Variants in TRPM3 observed in about 807,000 individuals in gnomAD.
The protein encoded by TRPM3 is long transient receptor potential channel 3.
A neutral mutation model predicts 181.2 loss-of-function variants in TRPM3; 77 were observed. The ratio of observed to expected loss-of-function variants is 0.42; its 90% CI spans 0.35 to 0.51. TRPM3 has a LOEUF of 0.51. Among genes scored for constraint, TRPM3 ranks in the 20% least tolerant of loss-of-function variants. The pLI is 0.01. For missense variants in TRPM3, 1,759 were observed against 2,196.7 expected (o/e 0.80, Z 3.98); for synonymous variants, 745 against 796.4 (o/e 0.94, Z 1.09).
At position 71,121,538 on chromosome 9, in the gene TRPM3, G is replaced by C; in HGVS notation, c.-184C>G. 1.4e-6 allele frequency: 2 copies of C among 1,391,224 alleles called. No individual in the cohort carries two copies. Among genetic ancestry groups the C allele is most frequent in the South Asian group, 1.8e-5 (1 of 55,688 alleles). The allele number at this position is 1,391,224 out of a possible 1,614,324, so 86.2% of individuals were successfully genotyped here. ...TGGAGGCACACTGCCTGCTGCTTCG[G>C]GGAGGGGATGCACGATTTTGAAGAA... is the stretch of plus-strand genomic sequence containing the variant. On this transcript the variant is annotated 5_prime_UTR_variant, in exon 1 of 26. Transcript: ENST00000677713.
chr9:70,899,430 C>T (rs2132988619), intron 1 of TRPM3, among the ~76,000 whole-genome samples: 1 of 152,048 alleles, frequency 6.6e-6, no homozygotes, highest in South Asian at 2.1e-4. Flanking sequence ...CTTTTCCTTA[C>T]TCATCTCTCA....
intron 1 of TRPM3, among the ~76,000 whole-genome samples, chr9:71,049,475 G>T (rs1323298367): frequency 1.3e-5 from 2 of 152,068 alleles, no homozygotes; most frequent in Non-Finnish European, 2.9e-5. Context: ...ATCCATATCT[G>T]AAGTGAGTTT....
intron 1 of TRPM3, among the ~76,000 whole-genome samples, chr9:71,239,413 C>T (rs1339974280): frequency 6.6e-6 from 1 of 152,134 alleles, no homozygotes; most frequent in Admixed American, 6.5e-5. Context: ...GCTTCCTTCT[C>T]TACACATCAT....
intron 1 of TRPM3, among the ~76,000 whole-genome samples, chr9:71,420,558 AGAAAGAAAAAGAG>A: frequency 6.6e-6 from 1 of 151,066 alleles, no homozygotes; most frequent in Admixed American, 6.6e-5. Flanking sequence ...AGAAAGAAAG[AGAAAGAAAAAGAG>A]AAGAGAAAGA....
chr9:70,557,607 T>C (rs1009737165), intron 22 of TRPM3, among the ~76,000 whole-genome samples: 2 of 152,196 alleles, frequency 1.3e-5, no homozygotes. Flanking sequence ...TGGAATGTCA[T>C]ATAGCACCAA....
At chr9:71,307,388 T>C (rs999150680) in intron 1 of TRPM3, among the ~76,000 whole-genome samples, 5 of 152,164 alleles carry the variant, frequency 3.3e-5, no homozygotes, top group African/African-American at 1.2e-4. Context: ...TAGAATTTTT[T>C]CATCTAAGAG....
At chr9:70,950,684 A>G in intron 1 of TRPM3, among the ~76,000 whole-genome samples, 1 of 152,302 alleles carries the variant, frequency 6.6e-6, no homozygotes, top group East Asian at 1.9e-4. Flanking sequence ...GAGAAAACCA[A>G]CATTAGAAAC....
At chr9:71,409,884 A>G (rs556334865) in intron 1 of TRPM3, among the ~76,000 whole-genome samples, 14 of 152,342 alleles carry the variant, frequency 9.2e-5, no homozygotes, top group Admixed American at 9.1e-4. Flanking sequence ...CAAATGTAAA[A>G]GAAAGGAAAT....
rs554818424 is a variant in TRPM3, at chr9:70,930,106, T to C, written c.178-65595A>G. ...GGTTTTGAGCTTCTCACTCTTTCAG[T>C]TTTTACATCCATCTGTTTGGGGGTG... On this transcript the variant is annotated intron_variant, in intron 1 of 25. Coordinates refer to ENST00000677713, the MANE Select transcript of TRPM3 (RefSeq NM_001366145.2). Among the ~76,000 whole-genome samples the C allele has an allele frequency of 3.9e-5, 6 of 152,252 alleles. No homozygotes were observed. The East Asian group carries it at 1.2e-3, about 29-fold the overall frequency.
Position 71,400,065 on chromosome 9 carries a change from T to C in TRPM3, c.183+46588A>G, listed in dbSNP as rs772886988. On this transcript the variant is annotated intron_variant, in intron 1 of 24. Coordinates refer to the TRPM3 transcript ENST00000357533. ...GTAACCACTAAAGTCCCTTCAGAAA[T>C]TGAAACACTAAGTCAGAGTCCTGCT... 5.9e-5 allele frequency among the ~76,000 whole-genome samples: 9 copies of C among 152,250 alleles called. No homozygotes were observed. In the East Asian group the frequency reaches 1.2e-3, roughly 20 times the overall value.
At chr9:71,299,817 G>A (rs1471906180) in intron 1 of TRPM3, among the ~76,000 whole-genome samples, 1 of 152,030 alleles carries the variant, frequency 6.6e-6, no homozygotes, top group Non-Finnish European at 1.5e-5. Context: ...TGGGAAAAAT[G>A]ACTATTAAGG....
rs1436298948 is a variant in TRPM3, at chr9:70,532,172, TC to T, written c.*3780del. ...ATGATGGATGACCGGGTAATATTTATCATCTTTAAAGAAATTAAACAGCCCA... is the reference window on the plus strand; with the variant it reads ...ATGATGGATGACCGGGTAATATTTATATCTTTAAAGAAATTAAACAGCCCA... On this transcript the variant is annotated 3_prime_UTR_variant, in exon 26 of 26. Transcript: ENST00000677713. 6.6e-6 allele frequency: 1 copy of T among 152,210 alleles called. No homozygotes were observed. Among genetic ancestry groups the T allele is most frequent in the Non-Finnish European group, 1.5e-5 (1 of 68,048 alleles). 9.4% of individuals were successfully genotyped at this position (152,210 alleles called of 1,614,324 possible).
chr9:71,378,344 T>C (rs980309308), intron 1 of TRPM3, among the ~76,000 whole-genome samples: 2 of 152,112 alleles, frequency 1.3e-5, no homozygotes, highest in African/African-American at 4.8e-5. Context: ...AGAACTTGCA[T>C]ATACTATGGA....
chr9:70,831,251 T>G (rs568508978), intron 5 of TRPM3, among the ~76,000 whole-genome samples: 1 of 152,204 alleles, frequency 6.6e-6, no homozygotes, highest in Non-Finnish European at 1.5e-5. Context: ...CTAAAAAGAT[T>G]TGCTGATCTT....
intron 1 of TRPM3, among the ~76,000 whole-genome samples, chr9:71,289,579 T>C (rs533026403): frequency 3.3e-5 from 5 of 152,068 alleles, no homozygotes; most frequent in Non-Finnish European, 5.9e-5. Flanking sequence ...TCAAAATAGC[T>C]AGATAGGGTC....
At chr9:70,982,336 C>T (rs911252251) in intron 1 of TRPM3, among the ~76,000 whole-genome samples, 6 of 152,202 alleles carry the variant, frequency 3.9e-5, no homozygotes, top group Non-Finnish European at 7.3e-5. Flanking sequence ...TTTGAAACAT[C>T]GCCAATCTCA....
intron 1 of TRPM3, among the ~76,000 whole-genome samples, chr9:71,146,627 T>G (rs1409118143): frequency 6.6e-6 from 1 of 152,146 alleles, no homozygotes; most frequent in East Asian, 1.9e-4. Context: ...TCTCCATTCT[T>G]CTGGAAATAC....
intron 1 of TRPM3, among the ~76,000 whole-genome samples, chr9:71,154,245 T>C (rs1587681210): frequency 6.6e-6 from 1 of 152,170 alleles, no homozygotes; most frequent in Non-Finnish European, 1.5e-5. Context: ...TAAGCACTTA[T>C]TATATTTAAA....
intron 1 of TRPM3, among the ~76,000 whole-genome samples, chr9:71,310,360 A>T (rs938682277): frequency 4.6e-5 from 7 of 152,136 alleles, no homozygotes; most frequent in African/African-American, 1.7e-4. Flanking sequence ...GGGTGATTTA[A>T]TTACAGTGTG....
Sources: gnomAD v4.1 joint callset for allele counts (sites outside exome capture counted in the v4.1 genomes callset) on GRCh38, gnomAD v4.1.1 for gene constraint, MANE v1.5 for transcripts, NCBI Gene and HGNC (gene_info 2026-07-23, HGNC 2026-07-21) for gene names.